DNAH2: variants seen among roughly 807,000 people sequenced by gnomAD.
DNAH2 encodes the protein axonemal beta dynein heavy chain 2.
In DNAH2, 323 loss-of-function variants were observed where a neutral mutation model predicts 523.5. The observed-to-expected ratio is 0.62, with a 90% CI of 0.56 to 0.68. The LOEUF (loss-of-function observed/expected upper bound fraction) is 0.68, where lower values mean the gene tolerates loss of function less well. DNAH2 is among the 30% of genes least tolerant of loss of function. The probability of loss-of-function intolerance (pLI) is 0.00; values close to 1 mark genes in which losing one functional copy is unlikely to be tolerated. For missense variants in DNAH2, 4,907 were observed against 5,701.5 expected, an observed-to-expected ratio of 0.86 and a Z score of 4.49; for synonymous variants, 2,093 against 2,177.4, an observed-to-expected ratio of 0.96 and a Z score of 1.08.
intron 39 of DNAH2, among the ~76,000 whole-genome samples, chr17:7,784,820 G>A (rs1437125938): frequency 3.3e-5 from 5 of 152,122 alleles, no homozygotes; most frequent in Non-Finnish European, 5.9e-5. Context: ...AAAGTTATAA[G>A]AGTTCTAAAT....
chr17:7,736,601 C>G (rs1386480505), intron 7 of DNAH2, among the ~76,000 whole-genome samples: 1 of 152,226 alleles, frequency 6.6e-6, no homozygotes, highest in East Asian at 1.9e-4. Flanking sequence ...CGAAGGCTCA[C>G]AGAGACCTGA....
In DNAH2 at chr17:7,818,363, A is replaced by G. The variant is rs1286922341; in HGVS notation, c.10439A>G (p.Asn3480Ser). Residue 3480 changes from asparagine to serine, a missense_variant, in exon 69 of 86, where the codon AAT becomes AGT. Asn to Ser is a conservative substitution (Grantham distance 46). Transcript: ENST00000572933. ...GATAAGGAGGTGGAATATAATACCA[A>G]TTTCCGTTTCTACATCACCACCAAG... is the stretch of plus-strand genomic sequence containing the variant. ...IGDKEVEYNT[N>S]FRFYITTKLS... 3 of 1,613,974 alleles carry G rather than the reference A, an allele frequency of 1.9e-6. No individual in the cohort carries two copies. The highest frequency in any genetic ancestry group is 1.1e-5 in the South Asian group (1 of 91,078).
Position 7,743,481 on chromosome 17 carries a change from C to CA in DNAH2, c.1904+340dup, listed in dbSNP as rs528041051. 1.0e-3 allele frequency: 653 copies of CA among 646,574 alleles called. 11 individuals carry two copies. The South Asian group carries it at 0.011, about 11-fold the overall frequency. 40.1% of individuals were successfully genotyped at this position (646,574 alleles called of 1,614,324 possible). Reference sequence around the variant, plus strand: ...AGGAGTTTGAGAACAGCCTGGGCAACATGGCAAAACCCAGTCTCTGCAAAA... The same window carrying CA: ...AGGAGTTTGAGAACAGCCTGGGCAACAATGGCAAAACCCAGTCTCTGCAAAA... On this transcript the variant is annotated intron_variant, in intron 12 of 85. Transcript: ENST00000572933.
chr17:7,799,633 G>A (rs2077167766), intron 56 of DNAH2, among the ~76,000 whole-genome samples: 1 of 152,108 alleles, frequency 6.6e-6, no homozygotes. Context: ...CGGCTAACAT[G>A]GTGAAACCCC....
intron 50 of DNAH2, 64 bp from the exon 51 acceptor site, chr17:7,797,112 A>C: frequency 6.8e-7 from 1 of 1,480,038 alleles, no homozygotes; most frequent in Admixed American, 2.0e-5. Context: ...AAAAAAAAAA[A>C]AAAAAAAAAC....
rs771426903 is a variant in DNAH2, at chr17:7,759,090, A to G, written c.2414A>G (p.Asn805Ser). Residue 805 changes from asparagine (N) to serine (S), a missense_variant, in exon 15 of 86, where the codon AAC becomes AGC. By Grantham distance (46) the Asn-to-Ser change is conservative (BLOSUM62 1). This residue lies in a region of DNAH2 where 2,806 missense variants were observed against 3,190.8 expected (regional missense o/e 0.88). Transcript: ENST00000572933. ...LHQDVVTIMT[N>S]SYEVFKNDGP... ...CAGGATGTGGTGACCATCATGACCAACTCCTATGAGGTCTTCAAGAATGAT... is the reference window on the plus strand; with the variant it reads ...CAGGATGTGGTGACCATCATGACCAGCTCCTATGAGGTCTTCAAGAATGAT... 11 of 1,613,712 alleles carry G rather than the reference A, an allele frequency of 6.8e-6. No individual in the cohort carries two copies. The highest frequency in any genetic ancestry group is 9.3e-6 in the Non-Finnish European group (11 of 1,179,962).
chr17:7,740,945 G>A lies in DNAH2; in HGVS notation c.1642G>A (p.Ala548Thr). 6.2e-7 allele frequency: 1 copy of A among 1,612,598 alleles called. No homozygotes were observed. The highest frequency in any genetic ancestry group is 8.5e-7 in the Non-Finnish European group (1 of 1,178,778). ...CTACGTGGCCCAGTATTCCGGAAAG[G>A]CGCGCTGGGTGCACATCCTCCGGCG... is the stretch of plus-strand genomic sequence containing the variant. Reference protein sequence around the residue: ...EPYVAQYSGKARWVHILRRRI... With the variant: ...EPYVAQYSGKTRWVHILRRRI... The change falls in exon 11 of 86, where the codon GCG becomes ACG. Residue 548 changes from alanine to threonine, a missense_variant. By Grantham distance (58) the Ala-to-Thr change is moderately conservative (BLOSUM62 0). This residue lies in a region of DNAH2 where 2,806 missense variants were observed against 3,190.8 expected (regional missense o/e 0.88). Coordinates refer to ENST00000572933, the MANE Select transcript of DNAH2 (RefSeq NM_020877.5).
intron 12 of DNAH2, 67 bp from the exon 13 acceptor site, chr17:7,757,024 G>C: frequency 6.3e-7 from 1 of 1,598,440 alleles, no homozygotes; most frequent in African/African-American, 1.3e-5. Flanking sequence ...CTCTCCACCT[G>C]TTCGATTGTT....
Position 7,760,725 on chromosome 17 carries a change from C to T in DNAH2, c.2786-15C>T. The T allele has an allele frequency of 1.2e-6, 2 of 1,608,480 alleles. No homozygotes were observed. Among genetic ancestry groups the T allele is most frequent in the Non-Finnish European group, 1.7e-6 (2 of 1,176,546 alleles). ...GTGGAAGTCAGTGAGAAGCATCTTT[C>T]TTGGTCCTTTGAAGAGCAAGATGAG... On this transcript the variant is annotated splice_polypyrimidine_tract_variant and intron_variant, in intron 17 of 85. Transcript: ENST00000572933. The surrounding 1 kb of genome is among the most constrained non-coding windows in gnomAD (Gnocchi z 4.0).
intron 63 of DNAH2, among the ~76,000 whole-genome samples, chr17:7,811,038 G>T (rs757037053): frequency 2.8e-4 from 42 of 152,158 alleles, no homozygotes; most frequent in Non-Finnish European, 1.9e-4. Flanking sequence ...ATACTTTAAG[G>T]CGACTGTATC....
rs2077385091 is a variant in DNAH2 at position 7,807,048 on chromosome 17, C to T, written c.9443-102C>T. On this transcript the variant is annotated intron_variant, in intron 61 of 85. Transcript: ENST00000572933. The surrounding 1 kb of genome is among the most constrained non-coding windows in gnomAD (Gnocchi z 5.6). Reference sequence around the variant, plus strand: ...AGATAATTTGGCCTTAGGAACTGAGCCCAGGAAAAATGTGGCTATGCGTGA... The same window carrying T: ...AGATAATTTGGCCTTAGGAACTGAGTCCAGGAAAAATGTGGCTATGCGTGA... The T allele has an allele frequency of 1.4e-6, 2 of 1,422,810 alleles. No homozygotes were observed. Among genetic ancestry groups the T allele is most frequent in the South Asian group, 2.7e-5 (2 of 75,104 alleles). 88.1% of individuals were successfully genotyped at this position (1,422,810 alleles called of 1,614,324 possible). A position where few individuals can be genotyped will look rare whatever the true frequency, so the allele number is the denominator to read the frequency against.
In DNAH2 at chr17:7,786,873, C is replaced by G. The variant is rs377647537; in HGVS notation, c.6467-24C>G. On this transcript the variant is annotated intron_variant, in intron 41 of 85. Transcript: ENST00000572933. The surrounding 1 kb of genome is among the most constrained non-coding windows in gnomAD (Gnocchi z 7.5). ...TGCAAGGTGAGCGGCTCCCCGGTTT[C>G]CTCATCACCCACCATCTACTCAGAT... 7 of 1,614,018 alleles carry G rather than the reference C, an allele frequency of 4.3e-6. No individual in the cohort carries two copies. Among genetic ancestry groups the G allele is most frequent in the South Asian group, 3.3e-5 (3 of 91,088 alleles).
chr17:7,792,848 C>A lies in DNAH2; in HGVS notation c.7337C>A (p.Ser2446Tyr). ...SQWSVLVVNMSAQTTSNNVQS... is the reference protein window; with the variant it reads ...SQWSVLVVNMYAQTTSNNVQS... Reference sequence around the variant, plus strand: ...TGGTCGGTGCTCGTTGTCAACATGTCCGCACAGGTGTGTCGGGGATCCAGG... The same window carrying A: ...TGGTCGGTGCTCGTTGTCAACATGTACGCACAGGTGTGTCGGGGATCCAGG... Residue 2446 changes from serine to tyrosine, a missense_variant, in exon 47 of 86, where the codon TCC becomes TAC. This residue lies in a region of DNAH2 where 2,806 missense variants were observed against 3,190.8 expected (regional missense o/e 0.88). Coordinates refer to ENST00000572933, the MANE Select transcript of DNAH2 (RefSeq NM_020877.5). 1.2e-6 allele frequency: 2 copies of A among 1,613,822 alleles called. No homozygotes were observed. Among genetic ancestry groups the A allele is most frequent in the Non-Finnish European group, 1.7e-6 (2 of 1,179,746 alleles).
chr17:7,799,829 A>T (rs565741129), intron 56 of DNAH2, among the ~76,000 whole-genome samples: 1 of 152,322 alleles, frequency 6.6e-6, no homozygotes, highest in South Asian at 2.1e-4. Flanking sequence ...AAATACACAC[A>T]CACACACACA....
chr17:7,770,093 G>A (rs148540666), intron 24 of DNAH2, among the ~76,000 whole-genome samples, 159 bp from the exon 25 acceptor site: 5 of 152,250 alleles, frequency 3.3e-5, no homozygotes, highest in East Asian at 3.9e-4. Context: ...CTCAATCTTC[G>A]TATTCCCCTG....
chr17:7,799,841 C>A (rs1387247037), intron 56 of DNAH2, among the ~76,000 whole-genome samples: 2 of 151,842 alleles, frequency 1.3e-5, no homozygotes, highest in Non-Finnish European at 2.9e-5. Context: ...ACACACACAC[C>A]CAAAATGTAT....
At chr17:7,756,337 G>A (rs565060228) in intron 12 of DNAH2, among the ~76,000 whole-genome samples, 9 of 150,712 alleles carry the variant, frequency 6.0e-5, no homozygotes, top group Non-Finnish European at 8.9e-5. Flanking sequence ...GGGCAGTGGT[G>A]CGATCTTGGC....
chr17:7,789,715 T>A (rs1902776982), intron 44 of DNAH2, among the ~76,000 whole-genome samples: 1 of 152,060 alleles, frequency 6.6e-6, no homozygotes, highest in South Asian at 2.1e-4. Context: ...TAGCTGGGAC[T>A]ACAGGTGCCT....
At position 7,830,706 on chromosome 17, in the gene DNAH2, C is replaced by A. The variant is rs1203093478; in HGVS notation, c.12094C>A (p.Pro4032Thr). The A allele has an allele frequency of 1.2e-6, 2 of 1,614,172 alleles. No homozygotes were observed. The highest frequency in any genetic ancestry group is 1.7e-6 in the Non-Finnish European group (2 of 1,180,042). The change falls in exon 79 of 86, where the codon CCT becomes ACT. Residue 4032 changes from proline (P) to threonine (T), a missense_variant. By Grantham distance (38) the Pro-to-Thr change is conservative. Around this residue, in one of 3 missense-constraint regions of DNAH2, gnomAD observed 1,851 missense variants for 2,139.4 expected, o/e 0.87. Coordinates refer to ENST00000572933, the MANE Select transcript of DNAH2 (RefSeq NM_020877.5). ...SLYLDEYEET[P>T]WDALKYLIAG... The stretch of plus-strand genomic sequence containing the variant: ...CTATCTCGATGAGTACGAGGAGACA[C>A]CTTGGGACGCACTTAAGTACCTCAT...
Sources: allele counts gnomAD v4.1 joint callset (sites outside exome capture counted in the v4.1 genomes callset), GRCh38; gene constraint gnomAD v4.1.1; regional missense constraint gnomAD v4.1.1; non-coding constraint Gnocchi (gnomAD v3.1); transcripts MANE v1.5; gene names NCBI Gene and HGNC (gene_info 2026-07-23, HGNC 2026-07-21).